The following SYP variants were observed in gnomAD, a reference collection of about 807,000 sequenced individuals.
The protein encoded by SYP is synaptophysin, also known as major synaptic vesicle protein P38.
In SYP, 2 loss-of-function variants were observed where a neutral mutation model predicts 24.3. The observed-to-expected ratio is 0.08, with a 90% CI of 0.03 to 0.26. The LOEUF is 0.26. SYP is among the 10% of genes least tolerant of loss of function. The pLI, the probability that SYP is intolerant of heterozygous loss-of-function variation, is 1.00. For missense variants in SYP, 216 were observed against 266.3 expected, an observed-to-expected ratio of 0.81 and a Z score of 1.32; for synonymous variants, 143 against 123.2, an observed-to-expected ratio of 1.16 and a Z score of -1.07.
rs2065517937 is a variant in SYP at position 49,193,520 on chromosome X, C to A, written c.424-57G>T. On this transcript the variant is annotated intron_variant, in intron 4 of 6. Coordinates refer to ENST00000263233, the MANE Select transcript of SYP (RefSeq NM_003179.3). ...TGTGAGTGGACTGCTTCACGCTAGG[C>A]CCTGGGGCCTCCTCGGATCACAGGT... is the stretch of plus-strand genomic sequence containing the variant. The A allele has an allele frequency of 3.4e-6, 4 of 1,163,391 alleles. No homozygotes were observed. The Admixed American group carries it at 6.9e-5, about 20-fold the overall frequency.
rs895743782 is a variant in SYP, at chrX:49,199,924, C to A, written c.36+227G>T. Among the ~76,000 whole-genome samples, 3 of 111,447 alleles carry A rather than the reference C, an allele frequency of 2.7e-5. 1 individual carries two copies. In the South Asian group the frequency reaches 1.1e-3, roughly 42 times the overall value. On this transcript the variant is annotated intron_variant, in intron 1 of 6. Transcript: ENST00000263233. ...CAGTAATAAACGGGGCTCCGGGGGC[C>A]CCCGCTGCGGCAGTGAGGACGGCCC...
Position 49,188,031 on chromosome X carries a change from C to A in SYP, c.*1256G>T, listed in dbSNP as rs1461038896. On this transcript the variant is annotated 3_prime_UTR_variant, in exon 7 of 7. Coordinates refer to ENST00000263233, the MANE Select transcript of SYP (RefSeq NM_003179.3). ...GCAGGATAGGGGCTCCAGACCAGGC[C>A]TCCAACCACCCCAGGACGGGTGGAG... 2 of 109,886 alleles carry A rather than the reference C, an allele frequency of 1.8e-5. No homozygotes were observed. The highest frequency in any genetic ancestry group is 3.8e-5 in the Non-Finnish European group (2 of 52,561). 9.1% of individuals were successfully genotyped at this position (109,886 alleles called of 1,213,427 possible). A position where few individuals can be genotyped will look rare whatever the true frequency, so the allele number is the denominator to read the frequency against.
chrX:49,193,547 C>A, intron 4 of SYP, 84 bp from the exon 5 acceptor site: 1 of 1,056,438 alleles, frequency 9.5e-7, no homozygotes. Flanking sequence ...ATCACAGGTC[C>A]CCCAGAAGAG....
chrX:49,189,380 C>G (rs372765949), intron 6 of SYP, 98 bp from the exon 7 acceptor site: 1 of 110,139 alleles, frequency 9.1e-6, no homozygotes, highest in East Asian at 2.8e-4. Flanking sequence ...GGCTTTATGT[C>G]TTTTCTTCTT....
At chrX:49,198,567 C>CTT in intron 2 of SYP, 1 of 163,413 alleles carries the variant, frequency 6.1e-6, no homozygotes, top group Non-Finnish European at 1.2e-5. Flanking sequence ...CTCCATATTT[C>CTT]TTTTTTTTTT....
intron 5 of SYP, among the ~76,000 whole-genome samples, chrX:49,192,381 T>C (rs1407162372): frequency 2.7e-5 from 3 of 111,993 alleles, no homozygotes; most frequent in African/African-American, 9.8e-5. Flanking sequence ...TTAGTAGAGA[T>C]GGGGTTTCTC....
At position 49,188,481 on chromosome X, in the gene SYP, T is replaced by A. The variant is rs140679785; in HGVS notation, c.*806A>T. The A allele has an allele frequency of 1.8e-5, 2 of 111,172 alleles. No individual in the cohort carries two copies. Among genetic ancestry groups the A allele is most frequent in the African/African-American group, 6.6e-5 (2 of 30,522 alleles). The allele number at this position is 111,172 out of a possible 1,213,427, so 9.2% of individuals were successfully genotyped here. A position where few individuals can be genotyped will look rare whatever the true frequency, so the allele number is the denominator to read the frequency against. ...CATTCCTGAATCCCACTTCTTGCCT[T>A]GCTCAAGATCTGTCCCCTTTAGAAT... On this transcript the variant is annotated 3_prime_UTR_variant, in exon 7 of 7. Coordinates refer to ENST00000263233, the MANE Select transcript of SYP (RefSeq NM_003179.3).
chrX:49,198,042 GTC>G, intron 2 of SYP: 4 of 459,923 alleles, frequency 8.7e-6, no homozygotes, highest in Admixed American at 3.6e-5. Flanking sequence ...CTCTCTCTGT[GTC>G]TCTCTCTGTC....
chrX:49,199,043 G>T lies in SYP; in HGVS notation c.37-10C>A. 1 of 1,209,968 alleles carries T rather than the reference G, an allele frequency of 8.3e-7. No homozygotes were observed. The highest frequency in any genetic ancestry group is 1.1e-6 in the Non-Finnish European group (1 of 894,398). ...GACCCCCAGCCACCAGCTGAGGAGA[G>T]AAACAGTGGGGAAGGGGTGGGGTTG... On this transcript the variant is annotated splice_polypyrimidine_tract_variant and intron_variant, in intron 1 of 6. Transcript: ENST00000263233.
In SYP at chrX:49,193,458, A is replaced by G. The variant is rs781875926; in HGVS notation, c.429T>C (p.Phe143=). Residue 143 remains phenylalanine, a synonymous_variant, in exon 5 of 7, where the codon TTT becomes TTC. Transcript: ENST00000263233. ...RENNKGPMLD[F]LATAVFAFMW... is the part of the protein sequence containing the mutation. ...TGAAGGCGAACACAGCCGTGGCCAG[A>G]AAGTCCTAAGGCAGGCAGGGGTGAG... 2 of 1,210,771 alleles carry G rather than the reference A, an allele frequency of 1.7e-6. No homozygotes were observed. The highest frequency in any genetic ancestry group is 4.4e-5 in the Admixed American group (2 of 45,952).
At chrX:49,199,813 C>G (rs1401988942) in intron 1 of SYP, among the ~76,000 whole-genome samples, 2 of 107,814 alleles carry the variant, frequency 1.9e-5, no homozygotes, top group African/African-American at 6.8e-5. Flanking sequence ...ATCCGCAGCA[C>G]CCCCCATCTT....
intron 3 of SYP, 61 bp downstream of exon 3, chrX:49,197,654 G>T (rs1557103478): frequency 8.5e-7 from 1 of 1,179,156 alleles, no homozygotes. Flanking sequence ...GGAGGTATTG[G>T]CCGGTTCCAC....
At chrX:49,199,840 C>T (rs1296738803) in intron 1 of SYP, among the ~76,000 whole-genome samples, 2 of 109,886 alleles carry the variant, frequency 1.8e-5, no homozygotes, top group Non-Finnish European at 3.8e-5. Flanking sequence ...ACTCTCCCCT[C>T]CCCTTGTCCC....
At chrX:49,198,004 A>C in intron 2 of SYP, 165 bp from the exon 3 acceptor site, 1 of 605,684 alleles carries the variant, frequency 1.7e-6, no homozygotes, top group Non-Finnish European at 2.7e-6. Flanking sequence ...CAAGCTGATT[A>C]CAAGGGTATG....
At chrX:49,196,856 A>G (rs2065529794) in intron 3 of SYP, among the ~76,000 whole-genome samples, 2 of 112,211 alleles carry the variant, frequency 1.8e-5, no homozygotes, top group African/African-American at 3.2e-5. Flanking sequence ...ATTTTTCCCT[A>G]TATCTAAGCA....
chrX:49,191,779 G>A lies in SYP; in HGVS notation c.616-16C>T, dbSNP rs1308429509. 3 of 1,192,241 alleles carry A rather than the reference G, an allele frequency of 2.5e-6. No individual in the cohort carries two copies. Among genetic ancestry groups the A allele is most frequent in the Non-Finnish European group, 3.4e-6 (3 of 884,601 alleles). ...AGCCGAACACCTGCAGGGAGACAAG[G>A]CTCGGCTGTGGTACCCCGCCCATTG... On this transcript the variant is annotated splice_polypyrimidine_tract_variant and intron_variant, in intron 5 of 6. Transcript: ENST00000263233.
intron 3 of SYP, 117 bp from the exon 4 acceptor site, chrX:49,194,478 T>A: frequency 1.5e-6 from 1 of 685,242 alleles, no homozygotes; most frequent in Non-Finnish European, 2.2e-6. Context: ...AAATAACCAT[T>A]CATCGAGCAC....
At chrX:49,193,943 C>G (rs1414996169) in intron 4 of SYP, among the ~76,000 whole-genome samples, 1 of 110,844 alleles carries the variant, frequency 9.0e-6, no homozygotes. Context: ...CAGGTGTGGG[C>G]CTGTCTGGGA....
intron 2 of SYP, chrX:49,198,604 C>A (rs782684811): frequency 4.4e-6 from 1 of 225,991 alleles, no homozygotes; most frequent in Non-Finnish European, 8.0e-6. Flanking sequence ...CTGTCTTTAT[C>A]ATTCCCTGTC....
Sources: allele counts gnomAD v4.1 joint callset (sites outside exome capture counted in the v4.1 genomes callset), GRCh38; gene constraint gnomAD v4.1.1; transcripts MANE v1.5; gene names NCBI Gene and HGNC (gene_info 2026-07-23, HGNC 2026-07-21).